SLC24A2: variants seen among roughly 807,000 people sequenced by gnomAD.
SLC24A2 encodes the protein sodium/potassium/calcium exchanger 2.
A neutral mutation model predicts 62.0 loss-of-function variants in SLC24A2; 36 were observed. The observed-to-expected ratio is 0.58, with a 90% CI of 0.44 to 0.77. The LOEUF (loss-of-function observed/expected upper bound fraction) is 0.77, where lower values mean the gene tolerates loss of function less well. Among genes scored for constraint, SLC24A2 ranks in the 30% least tolerant of loss-of-function variants. SLC24A2 has a pLI of 0.00. For missense variants in SLC24A2, 846 were observed against 817.9 expected (o/e 1.03, Z -0.42); for synonymous variants, 358 against 294.0 (o/e 1.22, Z -2.23).
At chr9:19,858,670 C>A in the SLC24A2 span, among the ~76,000 whole-genome samples, 1 of 151,688 alleles carries the variant, frequency 6.6e-6, no homozygotes, top group Non-Finnish European at 1.5e-5. Context: ...AATCAAACAG[C>A]CCCATTAAAG....
intron 8 of SLC24A2, among the ~76,000 whole-genome samples, chr9:19,547,211 G>A (rs1237576910): frequency 6.6e-6 from 1 of 152,138 alleles, no homozygotes; most frequent in South Asian, 2.1e-4. Flanking sequence ...TCTTATTTCT[G>A]CTTGGAATAG....
At chr9:19,567,789 T>C (rs1835717517) in intron 7 of SLC24A2, among the ~76,000 whole-genome samples, 1 of 151,996 alleles carries the variant, frequency 6.6e-6, no homozygotes, top group South Asian at 2.1e-4. Context: ...TCAGCAGTTA[T>C]TGGGAAAAGC....
At chr9:19,704,825 G>C (rs1820463469) in intron 2 of SLC24A2, among the ~76,000 whole-genome samples, 2 of 146,872 alleles carry the variant, frequency 1.4e-5, no homozygotes, top group Non-Finnish European at 3.0e-5. Context: ...TTTAAGTAAG[G>C]CTATAAAGCT....
In SLC24A2 at chr9:19,513,178, A is replaced by ATATATATATATATATATATATG. The variant is rs1832791598; in HGVS notation, c.*2974_*2975insCATATATATATATATATATATA. 1 of 108,218 alleles carries ATATATATATATATATATATATG rather than the reference A, an allele frequency of 9.2e-6. No homozygotes were observed. Among genetic ancestry groups the ATATATATATATATATATATATG allele is most frequent in the African/African-American group, 3.7e-5 (1 of 26,952 alleles). 6.7% of individuals were successfully genotyped at this position (108,218 alleles called of 1,614,324 possible). A position where few individuals can be genotyped will look rare whatever the true frequency, so the allele number is the denominator to read the frequency against. ...GATATATATATATATATATATATGTATATATATATATATGTATATATTTAT... is the reference window on the plus strand; with the variant it reads ...GATATATATATATATATATATATGTATATATATATATATATATATATGTATATATATATATGTATATATTTAT... On this transcript the variant is annotated 3_prime_UTR_variant, in exon 11 of 11. Coordinates refer to ENST00000341998, the MANE Select transcript of SLC24A2 (RefSeq NM_020344.4).
the SLC24A2 span, among the ~76,000 whole-genome samples, chr9:20,233,520 TC>T: frequency 6.6e-6 from 1 of 152,204 alleles, no homozygotes; most frequent in African/African-American, 2.4e-5. Context: ...TGGTTTAAAG[TC>T]TGTTTTATCA....
At chr9:19,736,818 C>T (rs1283928626) in intron 2 of SLC24A2, among the ~76,000 whole-genome samples, 1 of 152,168 alleles carries the variant, frequency 6.6e-6, no homozygotes, top group Non-Finnish European at 1.5e-5. Context: ...TGCCACTGTA[C>T]TTCAGCCTGG....
chr9:20,019,129 GAAAGAAAGAAAGAAAGAAAGAAAGAA>G, the SLC24A2 span, among the ~76,000 whole-genome samples: 1 of 104,640 alleles, frequency 9.6e-6, no homozygotes. Context: ...AAGAAAGAAA[GAAAGAAAGAAAGAAAGAAAGAAAGAA>G]AGAGAGAGAG....
chr9:19,915,089 C>T, the SLC24A2 span, among the ~76,000 whole-genome samples: 1 of 152,082 alleles, frequency 6.6e-6, no homozygotes, highest in Non-Finnish European at 1.5e-5. Context: ...AAACCCTATA[C>T]CTCCCAATCC....
At chr9:20,261,616 G>A in the SLC24A2 span, among the ~76,000 whole-genome samples, 1 of 151,778 alleles carries the variant, frequency 6.6e-6, no homozygotes, top group African/African-American at 2.4e-5. Flanking sequence ...AATTTTGGGG[G>A]ATGCATTTAA....
the SLC24A2 span, among the ~76,000 whole-genome samples, chr9:20,197,156 T>C: frequency 6.6e-6 from 1 of 152,202 alleles, no homozygotes; most frequent in Non-Finnish European, 1.5e-5. Flanking sequence ...TAGTTTAGAA[T>C]TTCTATATTA....
chr9:19,727,825 A>G (rs982757828), intron 2 of SLC24A2, among the ~76,000 whole-genome samples: 1 of 152,162 alleles, frequency 6.6e-6, no homozygotes, highest in African/African-American at 2.4e-5. Flanking sequence ...AAACATGGTT[A>G]TTTACTTTTG....
chr9:19,708,111 A>G lies in SLC24A2; in HGVS notation c.930+77826T>C, dbSNP rs1820591415. Reference sequence around the variant, plus strand: ...TCACAAGCATTCTTATATACCAATAACAGACAAACAGAGAGCCAAATCATG... The same window carrying G: ...TCACAAGCATTCTTATATACCAATAGCAGACAAACAGAGAGCCAAATCATG... On this transcript the variant is annotated intron_variant, in intron 2 of 10. Coordinates refer to ENST00000341998, the MANE Select transcript of SLC24A2 (RefSeq NM_020344.4). 2.0e-5 allele frequency among the ~76,000 whole-genome samples: 3 copies of G among 152,162 alleles called. No individual in the cohort carries two copies. In the South Asian group the frequency reaches 6.2e-4, roughly 32 times the overall value.
chr9:19,823,184 T>C, the SLC24A2 span, among the ~76,000 whole-genome samples: 2 of 152,114 alleles, frequency 1.3e-5, no homozygotes, highest in Non-Finnish European at 2.9e-5. Flanking sequence ...GATAATGGTA[T>C]TTAGATCCCC....
At chr9:20,056,897 C>A in the SLC24A2 span, among the ~76,000 whole-genome samples, 1 of 152,236 alleles carries the variant, frequency 6.6e-6, no homozygotes, top group Non-Finnish European at 1.5e-5. Flanking sequence ...AAACCCCTCT[C>A]TTTACACCAT....
the SLC24A2 span, among the ~76,000 whole-genome samples, chr9:20,128,074 G>A: frequency 1.1e-4 from 16 of 152,034 alleles, no homozygotes; most frequent in African/African-American, 3.6e-4. Flanking sequence ...GCTTTAAAAT[G>A]AAATCGTGTA....
At chr9:19,934,474 C>A in the SLC24A2 span, among the ~76,000 whole-genome samples, 1 of 152,040 alleles carries the variant, frequency 6.6e-6, no homozygotes, top group Non-Finnish European at 1.5e-5. This position sits in a 1 kb window ranked among gnomAD's most constrained non-coding sequence, Gnocchi z 4.1. Context: ...CCAAGCAAAT[C>A]CTGGCCCCCA....
the SLC24A2 span, among the ~76,000 whole-genome samples, chr9:19,844,959 C>CTT: frequency 0.073 from 10,624 of 144,830 alleles, 394 homozygotes; most frequent in African/African-American, 0.091. Flanking sequence ...ATGCCTCTGG[C>CTT]TTTTTTTTTT....
At chr9:20,254,653 C>A in the SLC24A2 span, among the ~76,000 whole-genome samples, 3 of 152,130 alleles carry the variant, frequency 2.0e-5, no homozygotes, top group African/African-American at 7.2e-5. Flanking sequence ...TAGTGACCAC[C>A]ACTTAGTGGC....
chr9:20,024,920 T>A, the SLC24A2 span, among the ~76,000 whole-genome samples: 1 of 152,198 alleles, frequency 6.6e-6, no homozygotes. Flanking sequence ...AAAACCATTG[T>A]AATTCAGCCA....
Sources: allele counts gnomAD v4.1 joint callset (sites outside exome capture counted in the v4.1 genomes callset), GRCh38; gene constraint gnomAD v4.1.1; non-coding constraint Gnocchi (gnomAD v3.1); transcripts MANE v1.5; gene names NCBI Gene and HGNC (gene_info 2026-07-23, HGNC 2026-07-21).